The following POFUT3 variants were observed in gnomAD, a reference collection of about 807,000 sequenced individuals.
The protein encoded by POFUT3 is GDP-fucose protein O-fucosyltransferase 3.
chr8:33,436,646 G>A, the POFUT3 span: 8 of 864,020 alleles, frequency 9.3e-6, no homozygotes, highest in Admixed American at 1.8e-5. Context: ...AAGAGTGAGC[G>A]AATCTCCCGC....
At chr8:33,417,786 A>T in the POFUT3 span, among the ~76,000 whole-genome samples, 5 of 152,072 alleles carry the variant, frequency 3.3e-5, no homozygotes, top group Non-Finnish European at 7.4e-5. Context: ...AGAACAGAGA[A>T]GTGACAGGAA....
At chr8:33,368,079 A>G in the POFUT3 span, among the ~76,000 whole-genome samples, 537 of 152,244 alleles carry the variant, frequency 3.5e-3, 8 homozygotes, top group African/African-American at 0.012. Context: ...TCCAGTTCTG[A>G]CTCATTTCAG....
the POFUT3 span, among the ~76,000 whole-genome samples, chr8:33,466,142 T>G: frequency 5.9e-4 from 90 of 152,116 alleles, no homozygotes; most frequent in African/African-American, 1.9e-3. Context: ...TAACTACCAC[T>G]AAAGAACAGA....
At chr8:33,427,184 G>A in the POFUT3 span, among the ~76,000 whole-genome samples, 1 of 152,166 alleles carries the variant, frequency 6.6e-6, no homozygotes, top group Non-Finnish European at 1.5e-5. Flanking sequence ...GAGCAGCCAG[G>A]CATAGTGGCA....
At chr8:33,328,862 G>A in the POFUT3 span, among the ~76,000 whole-genome samples, 549 of 152,218 alleles carry the variant, frequency 3.6e-3, 4 homozygotes, top group African/African-American at 0.012. Context: ...TGGGGGCAAG[G>A]GAGAGGGCAT....
the POFUT3 span, among the ~76,000 whole-genome samples, chr8:33,456,605 A>G: frequency 6.6e-6 from 1 of 152,034 alleles, no homozygotes; most frequent in Non-Finnish European, 1.5e-5. Context: ...TTCGGATATC[A>G]CTACCAGATT....
the POFUT3 span, among the ~76,000 whole-genome samples, chr8:33,432,199 C>T: frequency 4.6e-5 from 7 of 152,008 alleles, no homozygotes; most frequent in South Asian, 1.5e-3. Context: ...CACATGAGGT[C>T]TGGAGTTCAA....
At chr8:33,322,670 C>A in the POFUT3 span, among the ~76,000 whole-genome samples, 4 of 152,086 alleles carry the variant, frequency 2.6e-5, no homozygotes, top group Non-Finnish European at 5.9e-5. Flanking sequence ...AGACAACAGG[C>A]AATCTAATCC....
the POFUT3 span, among the ~76,000 whole-genome samples, chr8:33,323,962 AT>A: frequency 6.6e-6 from 1 of 152,158 alleles, no homozygotes; most frequent in Non-Finnish European, 1.5e-5. Context: ...ATAGACATGT[AT>A]TTCTTGCTCA....
At chr8:33,316,626 C>T in the POFUT3 span, among the ~76,000 whole-genome samples, 3 of 151,498 alleles carry the variant, frequency 2.0e-5, no homozygotes, top group African/African-American at 7.3e-5. Context: ...CCTGTAATCC[C>T]AGCTACTTAG....
At chr8:33,451,554 GTATGTATGTGTATA>G in the POFUT3 span, among the ~76,000 whole-genome samples, 4 of 151,754 alleles carry the variant, frequency 2.6e-5, no homozygotes, top group Admixed American at 2.6e-4. Context: ...GCATAAATGT[GTATGTATGTGTATA>G]TATGTATGTG....
the POFUT3 span, among the ~76,000 whole-genome samples, chr8:33,417,559 T>C: frequency 2.0e-5 from 3 of 151,924 alleles, no homozygotes; most frequent in South Asian, 6.2e-4. Flanking sequence ...AGGGACTCCA[T>C]CGTAAAGCAG....
chr8:33,452,992 G>A, the POFUT3 span: 2 of 487,974 alleles, frequency 4.1e-6, no homozygotes, highest in Non-Finnish European at 7.2e-6. Flanking sequence ...ACCCTTCAGA[G>A]ATACAGGTGT....
At chr8:33,328,451 G>A in the POFUT3 span, among the ~76,000 whole-genome samples, 5 of 152,158 alleles carry the variant, frequency 3.3e-5, no homozygotes, top group East Asian at 3.8e-4. Context: ...GAAAACAGGT[G>A]GAAAACAGAA....
At chr8:33,417,816 A>G in the POFUT3 span, among the ~76,000 whole-genome samples, 24 of 152,236 alleles carry the variant, frequency 1.6e-4, no homozygotes, top group East Asian at 4.1e-3. Flanking sequence ...GCAAGAAAGG[A>G]GAAGGAAGGC....
the POFUT3 span, among the ~76,000 whole-genome samples, chr8:33,471,963 A>G: frequency 3.3e-5 from 5 of 152,218 alleles, no homozygotes; most frequent in African/African-American, 4.8e-5. Context: ...GATTGGAGGC[A>G]GTGAAACTTC....
At chr8:33,394,214 T>A in the POFUT3 span, 1 of 215,126 alleles carries the variant, frequency 4.6e-6, no homozygotes, top group African/African-American at 2.4e-5. Context: ...AAAATAAAAA[T>A]TACCATCATT....
At chr8:33,406,924 T>C in the POFUT3 span, among the ~76,000 whole-genome samples, 2 of 152,126 alleles carry the variant, frequency 1.3e-5, no homozygotes, top group African/African-American at 4.8e-5. Context: ...TGCATGTAAT[T>C]TTTAAAAATC....
chr8:33,424,017 T>C, the POFUT3 span, among the ~76,000 whole-genome samples: 1 of 151,786 alleles, frequency 6.6e-6, no homozygotes, highest in African/African-American at 2.4e-5. Context: ...TACATGCCTG[T>C]AATCCCAGCT....
Sources: gnomAD v4.1 joint callset for allele counts (sites outside exome capture counted in the v4.1 genomes callset) on GRCh38, gnomAD v4.1.1 for gene constraint, MANE v1.5 for transcripts, NCBI Gene and HGNC (gene_info 2026-07-23, HGNC 2026-07-21) for gene names.